Variants in SYNM observed in about 807,000 individuals in gnomAD.
SYNM encodes desmuslin.
In SYNM, 95 loss-of-function variants were observed where a neutral mutation model predicts 104.0. The observed-to-expected ratio is 0.91, with a 90% CI of 0.77 to 1.08. The LOEUF (loss-of-function observed/expected upper bound fraction) is 1.08, where lower values mean the gene tolerates loss of function less well. Among genes scored for constraint, SYNM ranks in the 50% least tolerant of loss-of-function variants. SYNM has a pLI of 0.00. For synonymous variants in SYNM, 918 were observed against 869.0 expected (o/e 1.06, Z -0.99); for missense variants, 2,150 against 2,052.2 (o/e 1.05, Z -0.92).
chr15:99,113,583 C>T lies in SYNM; in HGVS notation c.811-8C>T, dbSNP rs782643183. 1 of 1,612,966 alleles carries T rather than the reference C, an allele frequency of 6.2e-7. No homozygotes were observed. Among genetic ancestry groups the T allele is most frequent in the South Asian group, 1.1e-5 (1 of 90,816 alleles). ...TCTCTGATATAAAAGTCTGTCTATT[C>T]TCTTTAGAGAGTGATTGACTGCCTG... On this transcript the variant is annotated splice_region_variant and splice_polypyrimidine_tract_variant and intron_variant, in intron 1 of 3. Transcript: ENST00000336292.
In SYNM at chr15:99,132,655, C is replaced by T; in HGVS notation, c.4295C>T (p.Ser1432Leu). ...PVSRTFVLAG[S>L]ADSPELGKLA... is the part of the protein sequence containing the mutation. ...TCCAGAACATTTGTGCTTGCTGGTTCAGCGGACTCCCCTGAGCTAGGCAAG... is the reference window on the plus strand; with the variant it reads ...TCCAGAACATTTGTGCTTGCTGGTTTAGCGGACTCCCCTGAGCTAGGCAAG... Residue 1432 changes from serine to leucine, a missense_variant, in exon 4 of 4, where the codon TCA (serine) becomes TTA (leucine). Coordinates refer to ENST00000336292, the MANE Select transcript of SYNM (RefSeq NM_145728.3). 1 of 1,614,050 alleles carries T rather than the reference C, an allele frequency of 6.2e-7. No individual in the cohort carries two copies. The highest frequency in any genetic ancestry group is 8.5e-7 in the Non-Finnish European group (1 of 1,179,914).
downstream of SYNM, chr15:99,139,173 A>T: frequency 2.0e-6 from 2 of 1,022,334 alleles, no homozygotes; most frequent in Non-Finnish European, 2.9e-6. Context: ...CGGGTTTCAA[A>T]GGAACTTGTC....
At chr15:99,137,046 CCA>C (rs2067645648), downstream of SYNM, 2 of 152,358 alleles carry the variant, frequency 1.3e-5, no homozygotes, top group African/African-American at 4.8e-5. Context: ...AGCCTCATGG[CCA>C]CAGTCTGTGG....
At chr15:99,127,712 T>C (rs2067460259) in intron 3 of SYNM, among the ~76,000 whole-genome samples, 1 of 152,220 alleles carries the variant, frequency 6.6e-6, no homozygotes, top group Admixed American at 6.5e-5. Context: ...CATGGAAGGG[T>C]AGGCATTGGT....
At chr15:99,107,303 C>A (rs138572942) in intron 1 of SYNM, among the ~76,000 whole-genome samples, 243 of 152,254 alleles carry the variant, frequency 1.6e-3, no homozygotes, top group African/African-American at 5.6e-3. Flanking sequence ...ATGACAGTGG[C>A]CAGGGGTCTG....
At chr15:99,124,433 CAT>C (rs1398350461) in intron 2 of SYNM, among the ~76,000 whole-genome samples, 1 of 152,182 alleles carries the variant, frequency 6.6e-6, no homozygotes, top group Non-Finnish European at 1.5e-5. Flanking sequence ...GTAAAGGTGA[CAT>C]GTGTCGCTGC....
chr15:99,138,258 G>A (rs2067770888), downstream of SYNM: 3 of 1,065,022 alleles, frequency 2.8e-6, no homozygotes, highest in East Asian at 4.9e-5. Context: ...ATAAATGAGA[G>A]GAGAATTGTA....
At chr15:99,116,760 C>T (rs1456417926) in intron 2 of SYNM, among the ~76,000 whole-genome samples, 1 of 143,370 alleles carries the variant, frequency 7.0e-6, no homozygotes. Flanking sequence ...CTCTACCTCA[C>T]GGGTTCAAGC....
intron 1 of SYNM, among the ~76,000 whole-genome samples, chr15:99,107,906 GA>G (rs1412755440): frequency 6.6e-6 from 1 of 151,170 alleles, no homozygotes; most frequent in Non-Finnish European, 1.5e-5. Context: ...AAAGAGCGAG[GA>G]AAATGTCAAT....
intron 2 of SYNM, among the ~76,000 whole-genome samples, chr15:99,124,162 C>T (rs111333601): frequency 1.2e-3 from 187 of 152,372 alleles, no homozygotes; most frequent in African/African-American, 4.2e-3. Context: ...TTTCCTCCAC[C>T]GCTCTCAAAA....
At chr15:99,140,816 C>T in the SYNM span, 13 of 152,154 alleles carry the variant, frequency 8.5e-5, no homozygotes, top group African/African-American at 2.9e-4. Flanking sequence ...AGACAAGCCA[C>T]GCTGAGGAAA....
intron 2 of SYNM, among the ~76,000 whole-genome samples, chr15:99,124,190 A>C (rs540100673): frequency 6.6e-6 from 1 of 152,376 alleles, no homozygotes; most frequent in South Asian, 2.1e-4. Flanking sequence ...GTTTGATTGC[A>C]GCCTCAGAGA....
intron 1 of SYNM, among the ~76,000 whole-genome samples, chr15:99,106,218 C>T (rs532240071): frequency 6.6e-6 from 1 of 152,346 alleles, no homozygotes; most frequent in African/African-American, 2.4e-5. Flanking sequence ...GCGGCAGGTC[C>T]TAGCGGATAG....
intron 2 of SYNM, among the ~76,000 whole-genome samples, chr15:99,114,498 G>C (rs1596121993): frequency 6.6e-6 from 1 of 152,114 alleles, no homozygotes; most frequent in Non-Finnish European, 1.5e-5. Flanking sequence ...GTGTCTATCT[G>C]CTTGATTGTT....
intron 2 of SYNM, 83 bp downstream of exon 2, chr15:99,113,798 G>A: frequency 6.5e-7 from 1 of 1,543,832 alleles, no homozygotes; most frequent in Non-Finnish European, 8.8e-7. Flanking sequence ...AGGGACCGTA[G>A]CCTTTGTGGA....
chr15:99,105,714 G>A lies in SYNM; in HGVS notation c.515G>A (p.Gly172Asp). The change falls in exon 1 of 4, where the codon GGC (glycine) becomes GAC (aspartate). Residue 172 changes from glycine (G) to aspartate (D), a missense_variant. Physicochemically the swap from Gly to Asp is moderately conservative, Grantham distance 94 (BLOSUM62 -1). Transcript: ENST00000336292. ...LTMHFRARAT[G>D]PAAPPPRLRE... The stretch of plus-strand genomic sequence containing the variant: ...ATGCATTTCCGCGCCCGCGCCACCG[G>A]CCCCGCCGCGCCGCCGCCACGCCTG... 6.7e-7 allele frequency: 1 copy of A among 1,496,076 alleles called. No homozygotes were observed. The highest frequency in any genetic ancestry group is 8.9e-7 in the Non-Finnish European group (1 of 1,127,556). 92.7% of individuals were successfully genotyped at this position (1,496,076 alleles called of 1,614,324 possible). A position where few individuals can be genotyped will look rare whatever the true frequency, so the allele number is the denominator to read the frequency against.
rs1305974084 is a variant in SYNM, at chr15:99,115,468, T to A, written c.935+1753T>A. On this transcript the variant is annotated intron_variant, in intron 2 of 3. Coordinates refer to ENST00000336292, the MANE Select transcript of SYNM (RefSeq NM_145728.3). ...AATTTTAATTTTATTTATTTTATTC[T>A]ATTTTTTTTTTTTTGAGATGGAGTC... Among the ~76,000 whole-genome samples the A allele has an allele frequency of 6.2e-5, 4 of 64,646 alleles. No homozygotes were observed. In the East Asian group the frequency reaches 1.6e-3, roughly 26 times the overall value. The allele number at this position is 64,646 out of a possible 152,430, so 42.4% of individuals were successfully genotyped here.
At chr15:99,116,002 G>C (rs1048296839) in intron 2 of SYNM, among the ~76,000 whole-genome samples, 2 of 152,268 alleles carry the variant, frequency 1.3e-5, no homozygotes, top group African/African-American at 4.8e-5. Context: ...GGCTGCTAAG[G>C]GGTGAGGCCT....
Position 99,130,911 on chromosome 15 carries a change from G to A in SYNM, c.2551G>A (p.Gly851Arg), listed in dbSNP as rs367707647. 4.2e-5 allele frequency: 68 copies of A among 1,613,744 alleles called. No homozygotes were observed. The highest frequency in any genetic ancestry group is 5.5e-5 in the Non-Finnish European group (65 of 1,179,874). Residue 851 changes from glycine to arginine, a missense_variant, in exon 4 of 4, where the codon GGG becomes AGG. Gly to Arg is a moderately radical substitution (Grantham distance 125, BLOSUM62 -2). Transcript: ENST00000336292. ...CGACAGAGATGACGGCTCGGTGTAC[G>A]GGCAGATCCACATCGAGGAGGAATC... is the stretch of plus-strand genomic sequence containing the variant. ...GHDRDDGSVYGQIHIEEESTI... is the reference protein window; with the variant it reads ...GHDRDDGSVYRQIHIEEESTI...
Sources: allele counts gnomAD v4.1 joint callset (sites outside exome capture counted in the v4.1 genomes callset), GRCh38; gene constraint gnomAD v4.1.1; transcripts MANE v1.5; gene names NCBI Gene and HGNC (gene_info 2026-07-23, HGNC 2026-07-21).